Variants in SLC12A6 observed in about 807,000 individuals in gnomAD.
SLC12A6 encodes the protein solute carrier family 12 member 6.
Under a neutral mutation model 135.3 loss-of-function variants are expected in SLC12A6, and 66 were observed. The ratio of observed to expected loss-of-function variants is 0.49; its 90% CI spans 0.40 to 0.60. SLC12A6 has a LOEUF of 0.60. Among genes scored for constraint, SLC12A6 ranks in the 20% least tolerant of loss-of-function variants. The pLI is 0.00. For synonymous variants in SLC12A6, 513 were observed against 508.8 expected (o/e 1.01, Z -0.11); for missense variants, 1,058 against 1,452.3 (o/e 0.73, Z 4.41).
intron 2 of SLC12A6, among the ~76,000 whole-genome samples, chr15:34,322,503 T>C (rs1231094445): frequency 1.3e-5 from 2 of 152,228 alleles, no homozygotes; most frequent in Non-Finnish European, 2.9e-5. Flanking sequence ...TTCATAATAA[T>C]GCATTGTGAA....
chr15:34,245,685 TCA>T lies in SLC12A6; in HGVS notation c.1824+6_1824+7del. ...AAAAAGAAGAGGGCATAATAAAAGG[TCA>T]CTCACCCTCAGAAACGGTATGATGT... On this transcript the variant is annotated splice_donor_region_variant and intron_variant, in intron 14 of 25. Transcript: ENST00000354181. 1 of 1,608,968 alleles carries T rather than the reference TCA, an allele frequency of 6.2e-7. No individual in the cohort carries two copies. Among genetic ancestry groups the T allele is most frequent in the South Asian group, 1.1e-5 (1 of 90,972 alleles).
At chr15:34,274,060 T>C (rs926837743) in intron 3 of SLC12A6, among the ~76,000 whole-genome samples, 1 of 152,166 alleles carries the variant, frequency 6.6e-6, no homozygotes, top group Admixed American at 6.5e-5. Context: ...GATATAAGTA[T>C]AAGATATTCA....
At chr15:34,298,598 G>A (rs1398426514) in intron 2 of SLC12A6, among the ~76,000 whole-genome samples, 2 of 151,754 alleles carry the variant, frequency 1.3e-5, no homozygotes, top group East Asian at 1.9e-4. Context: ...AAAATGGGTG[G>A]GGGGAAATGG....
At chr15:34,239,247 C>A in intron 19 of SLC12A6, 87 bp from the exon 20 acceptor site, 1 of 1,013,240 alleles carries the variant, frequency 9.9e-7, no homozygotes, top group Non-Finnish European at 1.6e-6. Context: ...TATCCCCCAC[C>A]TTTTTCCAAA....
At position 34,280,987 on chromosome 15, in the gene SLC12A6, G is replaced by C. The variant is rs539207874; in HGVS notation, c.272-5598C>G. On this transcript the variant is annotated intron_variant, in intron 2 of 25. Coordinates refer to ENST00000354181, the MANE Select transcript of SLC12A6 (RefSeq NM_001365088.1). ...ATGTGAGAGTCAGAAAAAAAAAGTTGATCTCATAGATGTAAAAATTAGAAC... is the reference window on the plus strand; with the variant it reads ...ATGTGAGAGTCAGAAAAAAAAAGTTCATCTCATAGATGTAAAAATTAGAAC... Among the ~76,000 whole-genome samples, 370 of 152,184 alleles carry C rather than the reference G, an allele frequency of 2.4e-3. 1 individual carries two copies. Among genetic ancestry groups the C allele is most frequent in the African/African-American group, 8.4e-3 (350 of 41,534 alleles).
intron 3 of SLC12A6, among the ~76,000 whole-genome samples, chr15:34,268,362 T>TC (rs1003906900): frequency 3.3e-5 from 5 of 152,172 alleles, no homozygotes; most frequent in African/African-American, 7.2e-5. Flanking sequence ...CAATGATGCC[T>TC]CCAACCAATA....
chr15:34,235,383 T>C, intron 24 of SLC12A6, 69 bp from the exon 25 acceptor site: 1 of 1,351,050 alleles, frequency 7.4e-7, no homozygotes, highest in Non-Finnish European at 1.1e-6. Flanking sequence ...CGTTAAAAAC[T>C]TGAGATCCTG....
At chr15:34,251,197 A>G in intron 10 of SLC12A6, 140 bp from the exon 11 acceptor site, 1 of 679,050 alleles carries the variant, frequency 1.5e-6, no homozygotes, top group Non-Finnish European at 2.6e-6. Flanking sequence ...GAGCACATGT[A>G]TACACACACA....
rs748788746 is a variant in SLC12A6, at chr15:34,239,029, C to T, written c.2568G>A (p.Val856=). 4.8e-5 allele frequency: 77 copies of T among 1,614,100 alleles called. No homozygotes were observed. The highest frequency in any genetic ancestry group is 3.3e-5 in the South Asian group (3 of 91,084). Residue 856 remains valine, a synonymous_variant, in exon 20 of 26, where the codon GTG becomes GTA. Coordinates refer to ENST00000354181, the MANE Select transcript of SLC12A6 (RefSeq NM_001365088.1). The stretch of plus-strand genomic sequence containing the variant: ...GCCAGCCATTAGGCCAGCCCATCAC[C>T]ACCGTGTTGTGCTTCATGCCCCCAA... ...CGLGGMKHNT[V]VMGWPNGWRQ... is the part of the protein sequence containing the mutation.
intron 2 of SLC12A6, among the ~76,000 whole-genome samples, chr15:34,315,061 T>G (rs1328108343): frequency 6.6e-6 from 1 of 152,122 alleles, no homozygotes; most frequent in African/African-American, 2.4e-5. Context: ...AGAAAGTAGT[T>G]TCTTGACATG....
intron 15 of SLC12A6, among the ~76,000 whole-genome samples, chr15:34,244,760 T>C (rs1036468340): frequency 6.6e-6 from 1 of 152,220 alleles, no homozygotes; most frequent in African/African-American, 2.4e-5. Flanking sequence ...TTCTTCAAGA[T>C]ACAAGTATCA....
rs988743323 is a variant in SLC12A6 at position 34,332,985 on chromosome 15, C to G, written c.271+3425G>C. 6.6e-5 allele frequency among the ~76,000 whole-genome samples: 10 copies of G among 152,070 alleles called. 1 individual carries two copies. The highest frequency in any genetic ancestry group is 2.6e-4 in the Admixed American group (4 of 15,278). On this transcript the variant is annotated intron_variant, in intron 2 of 25. Transcript: ENST00000354181. ...TTGCCACTTTGTGATCTACAAATAA[C>G]CATCTCTATAAGCCTTAGTTTCCTC...
chr15:34,285,905 T>C (rs78129123), intron 2 of SLC12A6, among the ~76,000 whole-genome samples: 7,194 of 151,926 alleles, frequency 0.047, 185 homozygotes, highest in Non-Finnish European at 0.062. Flanking sequence ...GAAAACAGAA[T>C]GGTGGTTAAC....
intron 2 of SLC12A6, among the ~76,000 whole-genome samples, chr15:34,334,768 T>C (rs1890091563): frequency 6.6e-6 from 1 of 152,152 alleles, no homozygotes; most frequent in Non-Finnish European, 1.5e-5. Flanking sequence ...TAAATTTCAC[T>C]TAGATATGTC....
chr15:34,258,762 TCTTA>T, intron 5 of SLC12A6, 47 bp downstream of exon 5: 1 of 1,502,750 alleles, frequency 6.7e-7, no homozygotes, highest in Non-Finnish European at 9.3e-7. Context: ...TTTCCTTCTT[TCTTA>T]TATACAGGGC....
intron 2 of SLC12A6, among the ~76,000 whole-genome samples, chr15:34,320,310 A>G (rs747782552): frequency 3.9e-5 from 6 of 152,266 alleles, no homozygotes; most frequent in Non-Finnish European, 5.9e-5. Flanking sequence ...AATACGATTC[A>G]GCCATAAAAA....
At chr15:34,269,520 A>G (rs1193556394) in intron 3 of SLC12A6, among the ~76,000 whole-genome samples, 1 of 152,198 alleles carries the variant, frequency 6.6e-6, no homozygotes, top group Non-Finnish European at 1.5e-5. Flanking sequence ...CAGTAGGTGT[A>G]CCTAATTTCC....
At chr15:34,235,451 T>A in intron 24 of SLC12A6, 137 bp from the exon 25 acceptor site, 1 of 691,426 alleles carries the variant, frequency 1.4e-6, no homozygotes, top group Non-Finnish European at 2.4e-6. Flanking sequence ...TTTTTTTTTT[T>A]GAGAGGGAGT....
At position 34,257,764 on chromosome 15, in the gene SLC12A6, C is replaced by T; in HGVS notation, c.568G>A (p.Gly190Ser). 6.2e-7 allele frequency: 1 copy of T among 1,608,590 alleles called. No homozygotes were observed. Among genetic ancestry groups the T allele is most frequent in the Non-Finnish European group, 8.5e-7 (1 of 1,175,186 alleles). Residue 190 changes from glycine to serine, a missense_variant, in exon 6 of 26, where the codon GGT becomes AGT. Coordinates refer to ENST00000354181, the MANE Select transcript of SLC12A6 (RefSeq NM_001365088.1). ...TKTPQMGTFM[G>S]VYLPCLQNIF... ...TTTTGTAGACATGGGAGGTAGACAC[C>T]CATGAAGGTACCCATTTGGGGGGTC...
Sources: allele counts gnomAD v4.1 joint callset (sites outside exome capture counted in the v4.1 genomes callset), GRCh38; gene constraint gnomAD v4.1.1; transcripts MANE v1.5; gene names NCBI Gene and HGNC (gene_info 2026-07-23, HGNC 2026-07-21).